The following DNAH11 variants were observed in gnomAD, a reference collection of about 807,000 sequenced individuals.
DNAH11 encodes dynein axonemal heavy chain 11, also known as axonemal beta dynein heavy chain 11.
In DNAH11, 442 loss-of-function variants were observed where a neutral mutation model predicts 526.0. The observed-to-expected ratio is 0.84, with a 90% CI of 0.78 to 0.91. The LOEUF (loss-of-function observed/expected upper bound fraction) is 0.91, where lower values mean the gene tolerates loss of function less well. Ranked by LOEUF, DNAH11 falls within the 40% of genes least tolerant of loss-of-function variation. DNAH11 has a pLI of 0.00. For synonymous variants in DNAH11, 2,461 were observed against 1,935.9 expected, an observed-to-expected ratio of 1.27 and a Z score of -7.12; for missense variants, 6,989 against 5,448.7, an observed-to-expected ratio of 1.28 and a Z score of -8.90.
intron 77 of DNAH11, 60 bp from the exon 78 acceptor site, chr7:21,894,563 C>A: frequency 6.5e-7 from 1 of 1,542,096 alleles, no homozygotes; most frequent in Non-Finnish European, 8.9e-7. Context: ...AGGATATACA[C>A]AGTCACCATG....
intron 34 of DNAH11, 99 bp from the exon 35 acceptor site, chr7:21,690,666 G>A: frequency 1.2e-6 from 1 of 827,562 alleles, no homozygotes; most frequent in Non-Finnish European, 2.0e-6. Context: ...AGAATAAACA[G>A]CTTCCTAATA....
chr7:21,805,807 A>C (rs919027420), intron 62 of DNAH11, among the ~76,000 whole-genome samples: 11 of 152,208 alleles, frequency 7.2e-5, no homozygotes, highest in African/African-American at 2.4e-4. Context: ...TATATTTTTA[A>C]AGGATTAATT....
Position 21,591,958 on chromosome 7 carries a change from C to A in DNAH11, c.2667+381C>A, listed in dbSNP as rs569048326. ...TCTCAAGGTACCCTCTCAACCATCTCCTAAGGGTGGCAACAATAATTACTC... is the reference window on the plus strand; with the variant it reads ...TCTCAAGGTACCCTCTCAACCATCTACTAAGGGTGGCAACAATAATTACTC... On this transcript the variant is annotated intron_variant, in intron 14 of 81. Transcript: ENST00000409508. Among the ~76,000 whole-genome samples the A allele has an allele frequency of 2.0e-5, 3 of 152,254 alleles. No individual in the cohort carries two copies. The East Asian group carries it at 5.8e-4, about 29-fold the overall frequency.
At chr7:21,748,445 C>A (rs1381087467) in intron 51 of DNAH11, 135 bp from the exon 52 acceptor site, 1 of 983,670 alleles carries the variant, frequency 1.0e-6, no homozygotes, top group Non-Finnish European at 1.3e-6. Context: ...GCCAAGATCG[C>A]GCCACTGCAC....
At position 21,724,925 on chromosome 7, in the gene DNAH11, A is replaced by G. The variant is rs12531028; in HGVS notation, c.7267-886A>G. On this transcript the variant is annotated intron_variant, in intron 44 of 81. Coordinates refer to ENST00000409508, the MANE Select transcript of DNAH11 (RefSeq NM_001277115.2). ...ATGGATATAGGAGTCACTGGGCCAG[A>G]TCATCCTGTGGACATGGGCATCACT... Among the ~76,000 whole-genome samples, 11 of 55,778 alleles carry G rather than the reference A, an allele frequency of 2.0e-4. No individual in the cohort carries two copies. The East Asian group carries it at 2.0e-3, about 10-fold the overall frequency. 36.6% of individuals were successfully genotyped at this position (55,778 alleles called of 152,430 possible). A position where few individuals can be genotyped will look rare whatever the true frequency, so the allele number is the denominator to read the frequency against.
chr7:21,761,037 C>G (rs1181640948), intron 54 of DNAH11, among the ~76,000 whole-genome samples: 2 of 151,710 alleles, frequency 1.3e-5, no homozygotes. Context: ...ATGATTTTTC[C>G]CTCACAGTAA....
intron 28 of DNAH11, among the ~76,000 whole-genome samples, chr7:21,654,801 A>G (rs973697114): frequency 6.6e-6 from 1 of 152,110 alleles, no homozygotes; most frequent in African/African-American, 2.4e-5. Context: ...TTCCCTGATT[A>G]ATAAAGTCTG....
In DNAH11 at chr7:21,899,966, T is replaced by TTA. The variant is rs1784694442; in HGVS notation, c.13163-10_13163-9dup. 1.9e-6 allele frequency: 3 copies of TTA among 1,612,720 alleles called. No individual in the cohort carries two copies. The highest frequency in any genetic ancestry group is 2.5e-6 in the Non-Finnish European group (3 of 1,179,332). On this transcript the variant is annotated splice_polypyrimidine_tract_variant and intron_variant, in intron 80 of 81. Coordinates refer to ENST00000409508, the MANE Select transcript of DNAH11 (RefSeq NM_001277115.2). ...ACACTTTTATCCTATTCAATTTTTG[T>TTA]TATATTTCCAAAGCAATCATGCAGA...
At chr7:21,548,735 A>G (rs1370953773) in intron 2 of DNAH11, among the ~76,000 whole-genome samples, 1 of 152,178 alleles carries the variant, frequency 6.6e-6, no homozygotes, top group African/African-American at 2.4e-5. Context: ...ATGTTTAGGA[A>G]GTGGATACAA....
chr7:21,547,952 TTAA>T (rs376139176), intron 2 of DNAH11, among the ~76,000 whole-genome samples: 21 of 152,342 alleles, frequency 1.4e-4, no homozygotes, highest in Admixed American at 3.3e-4. Context: ...CATTTGTTTA[TTAA>T]TAGCTATTTT....
Position 21,687,152 on chromosome 7 carries a change from C to G in DNAH11, c.5675C>G (p.Ala1892Gly). 6.2e-7 allele frequency: 1 copy of G among 1,613,344 alleles called. No individual in the cohort carries two copies. The highest frequency in any genetic ancestry group is 8.5e-7 in the Non-Finnish European group (1 of 1,179,632). ...CATCTAACCATGAGTGGGGCTCCTG[C>G]TGGCCCAGCTGGTACCGGGAAAACA... ...SLHLTMSGAPAGPAGTGKTET... is the reference protein window; with the variant it reads ...SLHLTMSGAPGGPAGTGKTET... The change falls in exon 33 of 82, where the codon GCT (alanine) becomes GGT (glycine). Residue 1892 changes from alanine (A) to glycine (G), a missense_variant. Ala to Gly is a moderately conservative substitution (Grantham distance 60). Transcript: ENST00000409508.
intron 46 of DNAH11, among the ~76,000 whole-genome samples, chr7:21,737,053 A>G (rs1420867409): frequency 6.6e-6 from 1 of 152,186 alleles, no homozygotes; most frequent in Non-Finnish European, 1.5e-5. Flanking sequence ...CGATTTAGAG[A>G]TGGCCTATTA....
At chr7:21,734,105 A>G (rs1785504520) in intron 45 of DNAH11, among the ~76,000 whole-genome samples, 1 of 152,014 alleles carries the variant, frequency 6.6e-6, no homozygotes, top group Non-Finnish European at 1.5e-5. Flanking sequence ...TAGATAAAAG[A>G]GAGGTCAGGC....
At chr7:21,593,385 A>G (rs552807301) in intron 14 of DNAH11, among the ~76,000 whole-genome samples, 1 of 152,266 alleles carries the variant, frequency 6.6e-6, no homozygotes, top group East Asian at 1.9e-4. Flanking sequence ...ATATGAGTGG[A>G]GGCAGCTGAG....
rs775567970 is a variant in DNAH11, at chr7:21,787,597, AT to A, written c.9924+16del. ...AAATTCTATGAGGTATCAATCCTAA[AT>A]TGATTGTTTACAGATGTTCTCCACA... On this transcript the variant is annotated intron_variant, in intron 60 of 81. Coordinates refer to ENST00000409508, the MANE Select transcript of DNAH11 (RefSeq NM_001277115.2). 2 of 1,593,362 alleles carry A rather than the reference AT, an allele frequency of 1.3e-6. No homozygotes were observed. The highest frequency in any genetic ancestry group is 2.3e-5 in the South Asian group (2 of 87,112).
chr7:21,647,416 T>C (rs1195635755), intron 28 of DNAH11, among the ~76,000 whole-genome samples: 1 of 126,062 alleles, frequency 7.9e-6, no homozygotes, highest in East Asian at 2.3e-4. Flanking sequence ...GGAGTAGCAA[T>C]TTCTTTCTTT....
intron 77 of DNAH11, among the ~76,000 whole-genome samples, chr7:21,894,250 C>A (rs1403225173): frequency 1.3e-5 from 2 of 152,078 alleles, no homozygotes; most frequent in Non-Finnish European, 2.9e-5. Context: ...ATATGGTACC[C>A]TAATAATAGG....
chr7:21,625,382 T>G (rs953051586), intron 25 of DNAH11, among the ~76,000 whole-genome samples: 13 of 152,180 alleles, frequency 8.5e-5, no homozygotes, highest in African/African-American at 2.7e-4. Context: ...CATTTCTGAT[T>G]TTGAGTTATC....
chr7:21,871,461 T>A (rs906052451), intron 73 of DNAH11, among the ~76,000 whole-genome samples: 1 of 152,218 alleles, frequency 6.6e-6, no homozygotes, highest in Non-Finnish European at 1.5e-5. Context: ...GCTTAGAGGT[T>A]TTTCTGTCCC....
Sources: gnomAD v4.1 joint callset for allele counts (sites outside exome capture counted in the v4.1 genomes callset) on GRCh38, gnomAD v4.1.1 for gene constraint, MANE v1.5 for transcripts, NCBI Gene and HGNC (gene_info 2026-07-23, HGNC 2026-07-21) for gene names.